PITPNM2: variants seen among roughly 807,000 people sequenced by gnomAD.
PITPNM2 encodes the protein phosphatidylinositol transfer protein membrane associated 2, also known as membrane-associated phosphatidylinositol transfer protein 2.
In PITPNM2, 35 loss-of-function variants were observed where a neutral mutation model predicts 132.2. The observed-to-expected ratio is 0.26, with a 90% CI of 0.20 to 0.35. The LOEUF (loss-of-function observed/expected upper bound fraction) is 0.35. PITPNM2 is among the 10% of genes least tolerant of loss of function. PITPNM2 has a pLI of 1.00. For missense variants in PITPNM2, 1,332 were observed against 1,912.0 expected, an observed-to-expected ratio of 0.70 and a Z score of 5.66; for synonymous variants, 738 against 799.2, an observed-to-expected ratio of 0.92 and a Z score of 1.29.
intron 1 of PITPNM2, among the ~76,000 whole-genome samples, chr12:123,116,799 CG>C (rs2042944568): frequency 1.3e-5 from 2 of 152,214 alleles, no homozygotes; most frequent in South Asian, 4.2e-4. Context: ...AGGAGGGGAA[CG>C]GATGTTCCAG....
intron 1 of PITPNM2, among the ~76,000 whole-genome samples, chr12:123,132,774 G>A (rs898907652): frequency 4.0e-5 from 6 of 151,324 alleles, no homozygotes; most frequent in Non-Finnish European, 7.4e-5. Context: ...ATACAATATT[G>A]TCCTTTTGTG....
intron 1 of PITPNM2, among the ~76,000 whole-genome samples, chr12:123,125,784 G>A (rs1324640010): frequency 1.5e-5 from 2 of 134,296 alleles, no homozygotes; most frequent in Non-Finnish European, 3.1e-5. Context: ...CGAGGTTGCA[G>A]TGAGCCGAGA....
intron 2 of PITPNM2, among the ~76,000 whole-genome samples, chr12:123,068,785 G>A (rs998803173): frequency 9.1e-4 from 139 of 152,154 alleles, no homozygotes; most frequent in African/African-American, 2.8e-3. Context: ...CAGCACTTAC[G>A]AACCCCAGGC....
chr12:123,097,097 C>T lies in PITPNM2; in HGVS notation c.-96+13288G>A, dbSNP rs1396815715. Among the ~76,000 whole-genome samples, 1 of 152,046 alleles carries T rather than the reference C, an allele frequency of 6.6e-6. No individual in the cohort carries two copies. Among genetic ancestry groups the T allele is most frequent in the Non-Finnish European group, 1.5e-5 (1 of 68,014 alleles). On this transcript the variant is annotated intron_variant, in intron 2 of 25. Transcript: ENST00000320201. This position sits in a 1 kb window ranked among gnomAD's most constrained non-coding sequence, Gnocchi z 4.7. ...CGCTCTTGTCGCCCAGGTTTGAGTG[C>T]AGTGGCACGATCTTGGCTTGCTGCA...
rs756491582 is a variant in PITPNM2, at chr12:122,997,377, G to A, written c.1420C>T (p.Arg474Cys). The A allele has an allele frequency of 2.0e-5, 32 of 1,613,492 alleles. No individual in the cohort carries two copies. Among genetic ancestry groups the A allele is most frequent in the East Asian group, 6.7e-5 (3 of 44,880 alleles). Residue 474 changes from arginine (R) to cysteine (C), a missense_variant, in exon 11 of 26, where the codon CGC becomes TGC. Coordinates refer to ENST00000320201, the MANE Select transcript of PITPNM2 (RefSeq NM_020845.3). ...CAGACGGGCGGGCAGGGCACCAGGCGGATGGCAAGGCGGCCCAGGGCGCTG... is the reference window on the plus strand; with the variant it reads ...CAGACGGGCGGGCAGGGCACCAGGCAGATGGCAAGGCGGCCCAGGGCGCTG... ...YPSALGRLAI[R>C]LVPCPPVCSD...
intron 2 of PITPNM2, among the ~76,000 whole-genome samples, chr12:123,046,692 T>C (rs1249350226): frequency 1.3e-5 from 2 of 152,338 alleles, no homozygotes; most frequent in East Asian, 3.9e-4. Context: ...AGTCATACAA[T>C]ATGTGCTTTC....
chr12:122,994,850 C>G lies in PITPNM2; in HGVS notation c.2184G>C (p.Pro728=). Residue 728 remains proline (P), a synonymous_variant, in exon 15 of 26, where the codon CCG becomes CCC. Coordinates refer to ENST00000320201, the MANE Select transcript of PITPNM2 (RefSeq NM_020845.3). The surrounding 1 kb of genome is among the most constrained non-coding windows in gnomAD (Gnocchi z 5.4). Reference sequence around the variant, plus strand: ...TCCTCAAGGCCAGGACCAGCCCCAGCGGGCACCCGAAGAGGAAGAGGTCGG... The same window carrying G: ...TCCTCAAGGCCAGGACCAGCCCCAGGGGGCACCCGAAGAGGAAGAGGTCGG... The part of the protein sequence containing the change: ...EITDLFLFGC[P]LGLVLALRKT... 6.2e-7 allele frequency: 1 copy of G among 1,611,880 alleles called. No individual in the cohort carries two copies. Among genetic ancestry groups the G allele is most frequent in the Non-Finnish European group, 8.5e-7 (1 of 1,179,922 alleles).
chr12:122,995,721 G>C, intron 13 of PITPNM2, 61 bp from the exon 14 acceptor site: 1 of 1,495,712 alleles, frequency 6.7e-7, no homozygotes. Flanking sequence ...CTTCTCCAGT[G>C]TCCTGGAAGC....
chr12:123,009,762 T>C lies in PITPNM2; in HGVS notation c.643+88A>G. The C allele has an allele frequency of 7.9e-7, 1 of 1,266,514 alleles. No homozygotes were observed. The highest frequency in any genetic ancestry group is 1.1e-6 in the Non-Finnish European group (1 of 875,198). The allele number at this position is 1,266,514 out of a possible 1,614,324, so 78.5% of individuals were successfully genotyped here. ...AGAAACGCAGACTCCCAGGCAGACA[T>C]GCAAAGAGAGGAGGCAGACAGGCAG... On this transcript the variant is annotated intron_variant, in intron 6 of 25. Coordinates refer to ENST00000320201, the MANE Select transcript of PITPNM2 (RefSeq NM_020845.3). This position sits in a 1 kb window ranked among gnomAD's most constrained non-coding sequence, Gnocchi z 4.8.
At chr12:123,001,225 G>C (rs2038658455) in intron 8 of PITPNM2, 67 bp from the exon 9 acceptor site, 1 of 1,276,614 alleles carries the variant, frequency 7.8e-7, no homozygotes, top group African/African-American at 1.5e-5. Context: ...TCCCGAGGTG[G>C]GGACGCCCCT....
rs1032743905 is a variant in PITPNM2 at position 122,994,532 on chromosome 12, C to T, written c.2233+269G>A. On this transcript the variant is annotated intron_variant, in intron 15 of 25. Transcript: ENST00000320201. The surrounding 1 kb of genome is among the most constrained non-coding windows in gnomAD (Gnocchi z 5.4). ...GACTCTGGGGTGGTGCCTTCTCTCC[C>T]TGGACCTCAGCTTGCCCATCTAGGG... is the stretch of plus-strand genomic sequence containing the variant. Among the ~76,000 whole-genome samples the T allele has an allele frequency of 6.6e-6, 1 of 152,184 alleles. No individual in the cohort carries two copies. The highest frequency in any genetic ancestry group is 2.4e-5 in the African/African-American group (1 of 41,436).
At chr12:123,067,370 C>A (rs542570614) in intron 2 of PITPNM2, among the ~76,000 whole-genome samples, 1 of 151,920 alleles carries the variant, frequency 6.6e-6, no homozygotes. Context: ...GCAGGAGAAT[C>A]GCTTGAACCC....
At chr12:123,092,255 G>T (rs1158212623) in intron 2 of PITPNM2, 3 of 152,324 alleles carry the variant, frequency 2.0e-5, no homozygotes, top group Non-Finnish European at 4.4e-5. Flanking sequence ...TTTAATAAAA[G>T]GACTCCAGTC....
In PITPNM2 at chr12:122,985,645, G is replaced by A. The variant is rs2037901942; in HGVS notation, c.*382C>T. ...CTGTTGGAGCTGCTACCAAATGGGA[G>A]GGGACCTGGGAGTGAGGGTGGCCAG... On this transcript the variant is annotated 3_prime_UTR_variant, in exon 26 of 26. Coordinates refer to ENST00000320201, the MANE Select transcript of PITPNM2 (RefSeq NM_020845.3). 4.7e-6 allele frequency: 1 copy of A among 211,872 alleles called. No homozygotes were observed. The highest frequency in any genetic ancestry group is 9.4e-6 in the Non-Finnish European group (1 of 106,870). The allele number at this position is 211,872 out of a possible 1,614,324, so 13.1% of individuals were successfully genotyped here.
chr12:122,993,093 C>T lies in PITPNM2; in HGVS notation c.2234-424G>A, dbSNP rs2038268235. Reference sequence around the variant, plus strand: ...CCTCCCACCTGGGCCTCCCAAAGTGCTGGGATTACAGGCGTGAGCCACCAC... The same window carrying T: ...CCTCCCACCTGGGCCTCCCAAAGTGTTGGGATTACAGGCGTGAGCCACCAC... On this transcript the variant is annotated intron_variant, in intron 15 of 25. Coordinates refer to ENST00000320201, the MANE Select transcript of PITPNM2 (RefSeq NM_020845.3). This position sits in a 1 kb window ranked among gnomAD's most constrained non-coding sequence, Gnocchi z 5.2. Among the ~76,000 whole-genome samples, 1 of 152,226 alleles carries T rather than the reference C, an allele frequency of 6.6e-6. No individual in the cohort carries two copies. Among genetic ancestry groups the T allele is most frequent in the Non-Finnish European group, 1.5e-5 (1 of 68,042 alleles).
chr12:123,066,383 A>G (rs1346358958), intron 2 of PITPNM2, among the ~76,000 whole-genome samples: 1 of 152,168 alleles, frequency 6.6e-6, no homozygotes, highest in East Asian at 1.9e-4. Context: ...AAGACTGAGC[A>G]TTGTGGGTAC....
chr12:123,068,435 G>A (rs558127025), intron 2 of PITPNM2, among the ~76,000 whole-genome samples: 8 of 151,582 alleles, frequency 5.3e-5, no homozygotes, highest in African/African-American at 1.7e-4. Flanking sequence ...GCGACAGAGC[G>A]AGACTCCATC....
intron 2 of PITPNM2, among the ~76,000 whole-genome samples, chr12:123,042,863 G>A (rs1270927379): frequency 1.3e-5 from 2 of 152,126 alleles, no homozygotes; most frequent in Non-Finnish European, 2.9e-5. Context: ...ATGAATGGGA[G>A]GCAGCACAGA....
In PITPNM2 at chr12:122,994,984, A is replaced by G. The variant is rs1275401370; in HGVS notation, c.2055-5T>C. The G allele has an allele frequency of 1.9e-6, 3 of 1,598,288 alleles. No homozygotes were observed. The highest frequency in any genetic ancestry group is 1.7e-6 in the Non-Finnish European group (2 of 1,174,504). Reference sequence around the variant, plus strand: ...CTCAGCACGCTGGCATGGAGGCTGCAGACCCAAATAAGACTTAGCTGTCAT... The same window carrying G: ...CTCAGCACGCTGGCATGGAGGCTGCGGACCCAAATAAGACTTAGCTGTCAT... On this transcript the variant is annotated splice_polypyrimidine_tract_variant and splice_region_variant and intron_variant, in intron 14 of 25. Transcript: ENST00000320201. This position sits in a 1 kb window ranked among gnomAD's most constrained non-coding sequence, Gnocchi z 5.4.
Sources: allele counts gnomAD v4.1 joint callset (sites outside exome capture counted in the v4.1 genomes callset), GRCh38; gene constraint gnomAD v4.1.1; non-coding constraint Gnocchi (gnomAD v3.1); transcripts MANE v1.5; gene names NCBI Gene and HGNC (gene_info 2026-07-23, HGNC 2026-07-21).